The following C1orf167 variants were observed in gnomAD, a reference collection of about 807,000 sequenced individuals.
C1orf167 encodes chromosome 1 open reading frame 167.
C1orf167 carries 153 observed loss-of-function variants against 176.5 expected under a neutral mutation model. That is an observed-to-expected ratio of 0.87 (90% confidence interval 0.76 to 0.99). The LOEUF (loss-of-function observed/expected upper bound fraction) is 0.99, where lower values mean the gene tolerates loss of function less well. Ranked by LOEUF, C1orf167 falls within the 50% of genes least tolerant of loss-of-function variation. The probability of loss-of-function intolerance (pLI) is 0.00; values close to 1 mark genes in which losing one functional copy is unlikely to be tolerated. For missense variants in C1orf167, 1,490 were observed against 1,817.7 expected, an observed-to-expected ratio of 0.82 and a Z score of 3.28; for synonymous variants, 594 against 752.7, an observed-to-expected ratio of 0.79 and a Z score of 3.45.
chr1:11,771,985 C>G (rs1318322125), intron 7 of C1orf167, 97 bp from the exon 8 acceptor site: 2 of 978,880 alleles, frequency 2.0e-6, no homozygotes, highest in East Asian at 1.3e-4. Flanking sequence ...TGGGGGGTGC[C>G]CTGCGACAGG....
intron 16 of C1orf167, chr1:11,786,940 A>G (rs1241219340): frequency 6.6e-6 from 1 of 152,578 alleles, no homozygotes; most frequent in Non-Finnish European, 1.5e-5. Context: ...GGATCCCATA[A>G]GCTGATGGAG....
rs1461132699 is a variant in C1orf167 at position 11,775,536 on chromosome 1, G to A, written c.2090G>A (p.Trp697Ter). The A allele has an allele frequency of 6.7e-5, 87 of 1,304,156 alleles. No homozygotes were observed. The highest frequency in any genetic ancestry group is 8.7e-5 in the Non-Finnish European group (86 of 988,950). The allele number at this position is 1,304,156 out of a possible 1,614,324, so 80.8% of individuals were successfully genotyped here. A position where few individuals can be genotyped will look rare whatever the true frequency, so the allele number is the denominator to read the frequency against. Reference protein sequence around the residue: ...TGTLRKCLEQWVRMKQLRESD... With the variant: ...TGTLRKCLEQ ...ACCCTGAGGAAATGCCTGGAACAGT[G>A]GGTGCGGATGAAGCAGCTCCGGGAA... The change falls in exon 9 of 21, where the codon TGG (tryptophan) becomes TAG (stop). Residue 697 changes from tryptophan to a stop codon, truncating the protein, a stop_gained. Transcript: ENST00000688073. LOFTEE classifies it high-confidence loss of function.
Position 11,785,170 on chromosome 1 carries a change from T to TCGGCGGTGCG in C1orf167, c.3457_3466dup (p.Val1156AlafsTer16), listed in dbSNP as rs1402515735. ...CAGGGTCCTAGAGGCCTCGGTGCAG[T>TCGGCGGTGCG]CGGCGGTGCGCGGCGGTGTCCAGCG... On this transcript the variant is annotated frameshift_variant, in exon 16 of 21. Coordinates refer to ENST00000688073, the MANE Select transcript of C1orf167 (RefSeq NM_001010881.2). LOFTEE classifies it high-confidence loss of function. 2 of 1,291,340 alleles carry TCGGCGGTGCG rather than the reference T, an allele frequency of 1.5e-6. No homozygotes were observed. Among genetic ancestry groups the TCGGCGGTGCG allele is most frequent in the Non-Finnish European group, 2.0e-6 (2 of 988,698 alleles). 80.0% of individuals were successfully genotyped at this position (1,291,340 alleles called of 1,614,324 possible).
At chr1:11,765,074 A>AAAAG in intron 2 of C1orf167, among the ~76,000 whole-genome samples, 1 of 150,916 alleles carries the variant, frequency 6.6e-6, no homozygotes, top group African/African-American at 2.4e-5. Context: ...AAAAAAAAAA[A>AAAAG]AAAGAAAGCC....
intron 16 of C1orf167, chr1:11,787,152 G>A: frequency 4.9e-6 from 1 of 204,378 alleles, no homozygotes; most frequent in Admixed American, 5.3e-5. Context: ...ACTCAGCTTT[G>A]AAATGTTTTC....
rs1439869575 is a variant in C1orf167, at chr1:11,768,601, C to T, written c.1542+326C>T. On this transcript the variant is annotated intron_variant, in intron 5 of 20. Coordinates refer to ENST00000688073, the MANE Select transcript of C1orf167 (RefSeq NM_001010881.2). This position sits in a 1 kb window ranked among gnomAD's most constrained non-coding sequence, Gnocchi z 4.5. ...GTTGTGAGATTAAATTAATAAGGGACTCAGAACTCTGCCTAGCATATAGCA... is the reference window on the plus strand; with the variant it reads ...GTTGTGAGATTAAATTAATAAGGGATTCAGAACTCTGCCTAGCATATAGCA... Among the ~76,000 whole-genome samples, 1 of 152,076 alleles carries T rather than the reference C, an allele frequency of 6.6e-6. No individual in the cohort carries two copies. The highest frequency in any genetic ancestry group is 6.6e-5 in the Admixed American group (1 of 15,266).
At chr1:11,764,596 C>T in intron 2 of C1orf167, 126 bp downstream of exon 2, 1 of 769,490 alleles carries the variant, frequency 1.3e-6, no homozygotes, top group African/African-American at 1.8e-5. Flanking sequence ...ATCAGCCACC[C>T]ACGGTCGGCT....
Position 11,766,001 on chromosome 1 carries a change from A to T in C1orf167, c.215A>T (p.Gln72Leu), listed in dbSNP as rs1642774136. Reference sequence around the variant, plus strand: ...CTAGACCAGGAGCCCTGCCGAGTCCAGACCAACCTGGCCAGCCCTGGTCCC... The same window carrying T: ...CTAGACCAGGAGCCCTGCCGAGTCCTGACCAACCTGGCCAGCCCTGGTCCC... The part of the protein sequence containing the change: ...AVLDQEPCRV[Q>L]TNLASPGPRL... The change falls in exon 3 of 21, where the codon CAG (glutamine) becomes CTG (leucine). Residue 72 changes from glutamine (Q) to leucine (L), a missense_variant. Transcript: ENST00000688073. This position sits in a 1 kb window ranked among gnomAD's most constrained non-coding sequence, Gnocchi z 4.5. 2.3e-6 allele frequency: 3 copies of T among 1,289,400 alleles called. No individual in the cohort carries two copies. The highest frequency in any genetic ancestry group is 3.0e-6 in the Non-Finnish European group (3 of 988,700). 79.9% of individuals were successfully genotyped at this position (1,289,400 alleles called of 1,614,324 possible).
At chr1:11,780,279 G>A (rs1323003846) in intron 13 of C1orf167, among the ~76,000 whole-genome samples, 1 of 152,208 alleles carries the variant, frequency 6.6e-6, no homozygotes, top group Non-Finnish European at 1.5e-5. Flanking sequence ...CTGTGACACT[G>A]ACCTAGCTGG....
At chr1:11,778,522 A>G (rs1188302739) in intron 10 of C1orf167, 138 bp from the exon 11 acceptor site, 2 of 712,260 alleles carry the variant, frequency 2.8e-6, no homozygotes, top group Non-Finnish European at 4.0e-6. Flanking sequence ...GTGGAACGCT[A>G]GCCCAGCGTC....
rs935494859 is a variant in C1orf167 at position 11,788,008 on chromosome 1, C to G, written c.3809C>G (p.Ala1270Gly). 4 of 1,302,908 alleles carry G rather than the reference C, an allele frequency of 3.1e-6. No individual in the cohort carries two copies. Among genetic ancestry groups the G allele is most frequent in the Non-Finnish European group, 4.0e-6 (4 of 988,344 alleles). The allele number at this position is 1,302,908 out of a possible 1,614,324, so 80.7% of individuals were successfully genotyped here. A position where few individuals can be genotyped will look rare whatever the true frequency, so the allele number is the denominator to read the frequency against. Reference sequence around the variant, plus strand: ...GCGCACTCCAGCCCTGAGCCCAGAGCCTGCAAAGCCCAAAGCAAGGCCCAT... The same window carrying G: ...GCGCACTCCAGCCCTGAGCCCAGAGGCTGCAAAGCCCAAAGCAAGGCCCAT... ...PRAHSSPEPR[A>G]CKAQSKAHKR... is the part of the protein sequence containing the mutation. The change falls in exon 18 of 21, where the codon GCC becomes GGC. Residue 1270 changes from alanine (A) to glycine (G), a missense_variant. Transcript: ENST00000688073.
At position 11,788,828 on chromosome 1, in the gene C1orf167, C is replaced by T. The variant is rs114290429; in HGVS notation, c.4173+82C>T. ...AGAAGTCTGTGCCACAGCCACGCAC[C>T]GTGGAGCTTTCCCTGCTTGCCAGCC... is the stretch of plus-strand genomic sequence containing the variant. On this transcript the variant is annotated intron_variant, in intron 20 of 20. Coordinates refer to ENST00000688073, the MANE Select transcript of C1orf167 (RefSeq NM_001010881.2). 1,105 of 1,202,286 alleles carry T rather than the reference C, an allele frequency of 9.2e-4. 15 individuals are homozygous for T. The African/African-American group carries it at 0.016, about 17-fold the overall frequency. The allele number at this position is 1,202,286 out of a possible 1,614,324, so 74.5% of individuals were successfully genotyped here.
chr1:11,765,523 G>A lies in C1orf167; in HGVS notation c.71-334G>A, dbSNP rs900517139. Among the ~76,000 whole-genome samples, 7 of 151,340 alleles carry A rather than the reference G, an allele frequency of 4.6e-5. No homozygotes were observed. In the South Asian group the frequency reaches 6.3e-4, roughly 14 times the overall value. On this transcript the variant is annotated intron_variant, in intron 2 of 20. Coordinates refer to ENST00000688073, the MANE Select transcript of C1orf167 (RefSeq NM_001010881.2). ...TTTATTACCTGACTCTTCCAAGCCC[G>A]CTGGCTCCATCTCTGAAGTTTATCT... is the stretch of plus-strand genomic sequence containing the variant.
At chr1:11,769,603 C>T (rs1489726820) in intron 6 of C1orf167, among the ~76,000 whole-genome samples, 2 of 151,516 alleles carry the variant, frequency 1.3e-5, no homozygotes, top group Non-Finnish European at 2.9e-5. Flanking sequence ...AAATGCTCAA[C>T]AGTGAGTGAG....
chr1:11,762,713 G>A (rs571914202), intron 1 of C1orf167, among the ~76,000 whole-genome samples: 51 of 152,346 alleles, frequency 3.3e-4, no homozygotes, highest in African/African-American at 1.2e-3. Flanking sequence ...GCTGAAGGCT[G>A]CAAGGTGCCT....
At chr1:11,787,725 G>C in intron 17 of C1orf167, 148 bp from the exon 18 acceptor site, 1 of 1,109,792 alleles carries the variant, frequency 9.0e-7, no homozygotes, top group Non-Finnish European at 1.1e-6. Flanking sequence ...GGAGAGGCTG[G>C]AGGCCTGGGG....
chr1:11,774,210 T>C (rs1006580739), intron 8 of C1orf167, among the ~76,000 whole-genome samples: 1 of 151,884 alleles, frequency 6.6e-6, no homozygotes, highest in Non-Finnish European at 1.5e-5. Flanking sequence ...TGGCGAATTT[T>C]AAAAAATTTT....
chr1:11,772,066 C>T lies in C1orf167; in HGVS notation c.1811-16C>T. 1 of 1,294,066 alleles carries T rather than the reference C, an allele frequency of 7.7e-7. No individual in the cohort carries two copies. 80.2% of individuals were successfully genotyped at this position (1,294,066 alleles called of 1,614,324 possible). On this transcript the variant is annotated splice_polypyrimidine_tract_variant and intron_variant, in intron 7 of 20. Coordinates refer to ENST00000688073, the MANE Select transcript of C1orf167 (RefSeq NM_001010881.2). ...GCTTACTCTCTCTTTTCTCTCCCTC[C>T]TCCCTCTCTCCTTAGTGTTCTTCCT...
intron 6 of C1orf167, among the ~76,000 whole-genome samples, chr1:11,771,075 T>A (rs1341146451): frequency 0.045 from 2,927 of 65,700 alleles, 158 homozygotes; most frequent in South Asian, 0.15. Context: ...ATATATTTTT[T>A]TTTTTTTTTT....
Sources: gnomAD v4.1 joint callset for allele counts (sites outside exome capture counted in the v4.1 genomes callset) on GRCh38, gnomAD v4.1.1 for gene constraint, Gnocchi (gnomAD v3.1) non-coding constraint, MANE v1.5 for transcripts, NCBI Gene and HGNC (gene_info 2026-07-23, HGNC 2026-07-21) for gene names.